SNAP91: variants seen among roughly 807,000 people sequenced by gnomAD.
SNAP91 encodes clathrin coat assembly protein AP180.
Under a neutral mutation model 100.3 loss-of-function variants are expected in SNAP91, and 27 were observed. That is an observed-to-expected ratio of 0.27 (90% CI 0.20 to 0.37). The LOEUF (loss-of-function observed/expected upper bound fraction) is 0.37, where lower values mean the gene tolerates loss of function less well. SNAP91 is among the 10% of genes least tolerant of loss of function. SNAP91 has a pLI of 1.00. For missense variants in SNAP91, 986 were observed against 1,123.7 expected (o/e 0.88, Z 1.75); for synonymous variants, 404 against 398.6 (o/e 1.01, Z -0.16).
At chr6:83,686,842 A>C (rs1172954236) in intron 2 of SNAP91, 1 of 152,234 alleles carries the variant, frequency 6.6e-6, no homozygotes, top group East Asian at 1.9e-4. Flanking sequence ...TATAAAGCCT[A>C]TTAGGAAAAA....
intron 26 of SNAP91, among the ~76,000 whole-genome samples, chr6:83,561,219 A>AT (rs1256201267): frequency 6.6e-6 from 1 of 151,940 alleles, no homozygotes; most frequent in Non-Finnish European, 1.5e-5. Context: ...ATTTTTAAAA[A>AT]TTTTTTTGTA....
At chr6:83,678,698 C>T in intron 2 of SNAP91, 1 of 1,220,254 alleles carries the variant, frequency 8.2e-7, no homozygotes, top group Non-Finnish European at 1.1e-6. Flanking sequence ...CTACCTTCCA[C>T]TCCTGCTCCT....
chr6:83,590,574 A>C (rs557189034), intron 22 of SNAP91, among the ~76,000 whole-genome samples: 91 of 152,174 alleles, frequency 6.0e-4, no homozygotes, highest in Non-Finnish European at 1.2e-3. Context: ...AAAAACAAAA[A>C]CAGTGGTCTA....
chr6:83,693,352 G>A lies in SNAP91; in HGVS notation c.130+14446C>T, dbSNP rs932225408. On this transcript the variant is annotated intron_variant, in intron 2 of 29. Transcript: ENST00000369694. ...AGGCACAGTAAGTGCTCCACACATC[G>A]GCCTCTCCTTCACTCTAAAGAGCGC... 2.8e-4 allele frequency among the ~76,000 whole-genome samples: 43 copies of A among 152,034 alleles called. 1 individual carries two copies. The highest frequency in any genetic ancestry group is 2.8e-3 in the Admixed American group (43 of 15,260).
chr6:83,607,898 GC>G, intron 12 of SNAP91, 90 bp from the exon 13 acceptor site: 1 of 566,720 alleles, frequency 1.8e-6, no homozygotes, highest in Non-Finnish European at 2.8e-6. Flanking sequence ...ACCATGACAT[GC>G]CCAGCAATTT....
chr6:83,625,685 G>A (rs2096903825), intron 8 of SNAP91, among the ~76,000 whole-genome samples: 1 of 151,994 alleles, frequency 6.6e-6, no homozygotes, highest in African/African-American at 2.4e-5. Context: ...GTCTTCTTTT[G>A]AGAAGTGTCT....
At chr6:83,698,326 CAAA>C (rs34370410) in intron 2 of SNAP91, among the ~76,000 whole-genome samples, 7 of 108,136 alleles carry the variant, frequency 6.5e-5, no homozygotes, top group Admixed American at 9.2e-5. Context: ...TCTCCAAGGC[CAAA>C]AAAAAAAAAA....
intron 16 of SNAP91, among the ~76,000 whole-genome samples, chr6:83,598,720 G>A (rs892364047): frequency 2.4e-4 from 36 of 151,970 alleles, no homozygotes; most frequent in Non-Finnish European, 4.1e-4. Context: ...TTAAAAAATG[G>A]CCACACAAAA....
intron 16 of SNAP91, among the ~76,000 whole-genome samples, chr6:83,594,893 T>C (rs557652713): frequency 1.3e-5 from 2 of 152,304 alleles, no homozygotes; most frequent in South Asian, 2.1e-4. Flanking sequence ...CCCTGTCTCA[T>C]AGTTTCTAGC....
chr6:83,661,845 T>A (rs2098549459), intron 4 of SNAP91, among the ~76,000 whole-genome samples: 1 of 152,220 alleles, frequency 6.6e-6, no homozygotes, highest in South Asian at 2.1e-4. Context: ...TTTTAAATTT[T>A]CCTTGAACTT....
At chr6:83,614,015 A>G (rs1252573214) in intron 11 of SNAP91, among the ~76,000 whole-genome samples, 1 of 152,194 alleles carries the variant, frequency 6.6e-6, no homozygotes, top group African/African-American at 2.4e-5. Flanking sequence ...TTCACTATGA[A>G]CACAGCAAAT....
intron 2 of SNAP91, among the ~76,000 whole-genome samples, chr6:83,685,892 T>C (rs1029221411): frequency 6.6e-6 from 1 of 152,218 alleles, no homozygotes; most frequent in Non-Finnish European, 1.5e-5. Flanking sequence ...TATCTGTGCT[T>C]CCATCTTTTT....
chr6:83,565,049 T>C (rs1241784129), intron 26 of SNAP91, among the ~76,000 whole-genome samples: 1 of 150,622 alleles, frequency 6.6e-6, no homozygotes, highest in South Asian at 2.1e-4. Context: ...AAGATCTCTT[T>C]CAACTCCATA....
intron 26 of SNAP91, among the ~76,000 whole-genome samples, chr6:83,569,207 T>C (rs1200074411): frequency 1.3e-5 from 2 of 152,136 alleles, no homozygotes. Context: ...TAAAACTTTA[T>C]GTAACTCTTT....
intron 16 of SNAP91, among the ~76,000 whole-genome samples, chr6:83,597,778 A>C (rs1035007077): frequency 3.3e-5 from 5 of 152,204 alleles, no homozygotes; most frequent in Admixed American, 3.3e-4. Context: ...CAAAGGTTCC[A>C]ATTGTTCTCA....
At chr6:83,591,188 A>G (rs1295704982) in intron 22 of SNAP91, 23 bp downstream of exon 22, 1 of 1,482,876 alleles carries the variant, frequency 6.7e-7, no homozygotes, top group Non-Finnish European at 9.4e-7. Flanking sequence ...AACTTCTACA[A>G]AATACCATTT....
chr6:83,601,664 T>TACCA, intron 14 of SNAP91, 65 bp from the exon 15 acceptor site: 3 of 1,500,064 alleles, frequency 2.0e-6, no homozygotes, highest in Non-Finnish European at 2.8e-6. Context: ...CATGCAACCA[T>TACCA]ACCAATGTCC....
rs1166374514 is a variant in SNAP91, at chr6:83,580,453, C to A, written c.2296G>T (p.Gly766Cys). ...AAAAAAAAACTAGATTACTCACTGC[C>A]TACTAAGCTGGCAAGAGATGAATCA... ...DLDSSLASLV[G>C]NLGISGTTTK... is the part of the protein sequence containing the mutation. The change falls in exon 24 of 30, where the codon GGC becomes TGC. Residue 766 changes from glycine to cysteine, a missense_variant. This residue lies in a region of SNAP91 where 575 missense variants were observed against 579.9 expected (regional missense o/e 0.99). Coordinates refer to ENST00000369694, the MANE Select transcript of SNAP91 (RefSeq NM_001242792.2). 3.7e-6 allele frequency: 6 copies of A among 1,606,630 alleles called. No homozygotes were observed. Among genetic ancestry groups the A allele is most frequent in the African/African-American group, 1.3e-5 (1 of 74,382 alleles).
intron 22 of SNAP91, among the ~76,000 whole-genome samples, chr6:83,589,736 T>C (rs943131241): frequency 3.3e-5 from 5 of 152,138 alleles, no homozygotes; most frequent in African/African-American, 1.2e-4. Flanking sequence ...AAGGAAAGGT[T>C]AACAGCTGGG....
Sources: allele counts gnomAD v4.1 joint callset (sites outside exome capture counted in the v4.1 genomes callset), GRCh38; gene constraint gnomAD v4.1.1; regional missense constraint gnomAD v4.1.1; transcripts MANE v1.5; gene names NCBI Gene and HGNC (gene_info 2026-07-23, HGNC 2026-07-21).